The following MEIS1 variants were observed in gnomAD, a reference collection of about 807,000 sequenced individuals.
The protein encoded by MEIS1 is homeobox protein Meis1.
A neutral mutation model predicts 50.8 loss-of-function variants in MEIS1; 5 were observed. The observed-to-expected ratio is 0.10, with a 90% CI of 0.05 to 0.21. The LOEUF is 0.21. Ranked by LOEUF, MEIS1 falls within the 10% of genes least tolerant of loss-of-function variation. The pLI, the probability that MEIS1 is intolerant of heterozygous loss-of-function variation, is 1.00. For missense variants in MEIS1, 318 were observed against 517.3 expected, an observed-to-expected ratio of 0.61 and a Z score of 3.74; for synonymous variants, 176 against 179.3, an observed-to-expected ratio of 0.98 and a Z score of 0.15.
chr2:66,499,408 T>C (rs763009903), intron 7 of MEIS1, among the ~76,000 whole-genome samples: 16 of 152,078 alleles, frequency 1.1e-4, no homozygotes, highest in Non-Finnish European at 1.9e-4. Context: ...TCCCTCCAAC[T>C]TCTGCCTGAT....
intron 7 of MEIS1, among the ~76,000 whole-genome samples, chr2:66,498,958 T>C (rs569335500): frequency 6.6e-6 from 1 of 152,318 alleles, no homozygotes; most frequent in South Asian, 2.1e-4. Flanking sequence ...CTCTAGAAAG[T>C]TACTTTTATC....
intron 12 of MEIS1, 105 bp downstream of exon 12, chr2:66,569,250 T>TAGG: frequency 1.0e-6 from 1 of 965,242 alleles, no homozygotes; most frequent in Non-Finnish European, 1.5e-6. Context: ...GTTCATTCCT[T>TAGG]TCCATTAAAC....
chr2:66,447,266 A>C (rs1382960781), intron 6 of MEIS1, among the ~76,000 whole-genome samples: 1 of 152,232 alleles, frequency 6.6e-6, no homozygotes, highest in Non-Finnish European at 1.5e-5. Context: ...TTTGTTTTTA[A>C]ATGCTTCCAT....
chr2:66,512,354 C>A, intron 8 of MEIS1, 60 bp downstream of exon 8: 2 of 1,503,452 alleles, frequency 1.3e-6, no homozygotes, highest in Admixed American at 2.4e-5. Context: ...AGTTTTTATA[C>A]AAAAAAATGA....
chr2:66,450,243 A>G (rs1173591946), intron 6 of MEIS1, among the ~76,000 whole-genome samples: 5 of 152,178 alleles, frequency 3.3e-5, no homozygotes, highest in African/African-American at 9.7e-5. Flanking sequence ...CTTGTACTTC[A>G]TAATTCTATT....
chr2:66,474,090 CA>C (rs1265991260), intron 7 of MEIS1, among the ~76,000 whole-genome samples: 3 of 142,162 alleles, frequency 2.1e-5, no homozygotes, highest in African/African-American at 6.2e-5. Flanking sequence ...TGCAATCATC[CA>C]TTTTTTTTTT....
intron 3 of MEIS1, 153 bp from the exon 4 acceptor site, chr2:66,440,409 G>A: frequency 1.4e-6 from 1 of 692,580 alleles, no homozygotes; most frequent in African/African-American, 1.8e-5. Context: ...TTCTGCGCGG[G>A]ACGAACTCGG....
chr2:66,437,889 T>C lies in MEIS1; in HGVS notation c.165T>C (p.His55=). Residue 55 remains histidine, a synonymous_variant, in exon 2 of 13, where the codon CAT becomes CAC. Coordinates refer to ENST00000272369, the MANE Select transcript of MEIS1 (RefSeq NM_002398.3). ...CGCATCAGTACCCGCACACAGCTCA[T>C]ACCAACGCCATGGCCCCCAGCATGG... is the stretch of plus-strand genomic sequence containing the variant. The part of the protein sequence containing the change: ...LHSHQYPHTA[H]TNAMAPSMGS... 2 of 1,611,136 alleles carry C rather than the reference T, an allele frequency of 1.2e-6. No individual in the cohort carries two copies. The highest frequency in any genetic ancestry group is 1.3e-5 in the African/African-American group (1 of 75,000).
chr2:66,485,087 A>G (rs571307654), intron 7 of MEIS1, among the ~76,000 whole-genome samples: 10 of 152,134 alleles, frequency 6.6e-5, no homozygotes, highest in Admixed American at 5.9e-4. Context: ...TGGCTTATAT[A>G]TATATACACA....
intron 8 of MEIS1, among the ~76,000 whole-genome samples, chr2:66,538,382 G>A (rs1220101360): frequency 2.0e-5 from 3 of 152,132 alleles, no homozygotes; most frequent in Non-Finnish European, 4.4e-5. Context: ...CTCTGAGAAC[G>A]CTGCCCAACA....
At chr2:66,568,594 C>T (rs902874903) in intron 10 of MEIS1, 73 bp from the exon 11 acceptor site, 2 of 1,129,418 alleles carry the variant, frequency 1.8e-6, no homozygotes, top group Non-Finnish European at 2.7e-6. Flanking sequence ...ATGTTCTCCT[C>T]TTAGTCTCTC....
intron 7 of MEIS1, among the ~76,000 whole-genome samples, chr2:66,478,279 A>G (rs1335478121): frequency 6.6e-6 from 1 of 152,156 alleles, no homozygotes. Context: ...GAGAAGTGGA[A>G]GCATTGCTTT....
At chr2:66,564,437 C>T (rs541826877) in intron 9 of MEIS1, among the ~76,000 whole-genome samples, 2 of 152,270 alleles carry the variant, frequency 1.3e-5, no homozygotes, top group African/African-American at 4.8e-5. Context: ...TTGGTGTTGT[C>T]CACTGCAAGG....
At position 66,532,967 on chromosome 2, in the gene MEIS1, A is replaced by G. The variant is rs566154118; in HGVS notation, c.889-14976A>G. 1.4e-4 allele frequency among the ~76,000 whole-genome samples: 22 copies of G among 152,322 alleles called. 1 individual carries two copies. The South Asian group carries it at 4.6e-3, about 32-fold the overall frequency. ...TTTTTTATCCAAAATCCTGCCATCA[A>G]ATCAATTAATTATAACCATTGATGA... On this transcript the variant is annotated intron_variant, in intron 8 of 12. Transcript: ENST00000272369.
chr2:66,521,539 T>C (rs1674122035), intron 8 of MEIS1, among the ~76,000 whole-genome samples: 1 of 152,198 alleles, frequency 6.6e-6, no homozygotes, highest in Non-Finnish European at 1.5e-5. Flanking sequence ...CACTCTGGGG[T>C]ATGACACCGA....
At chr2:66,520,602 T>A (rs1490656019) in intron 8 of MEIS1, among the ~76,000 whole-genome samples, 3 of 152,228 alleles carry the variant, frequency 2.0e-5, no homozygotes, top group Admixed American at 6.5e-5. Context: ...ATTATATTTT[T>A]AAAAATTCAG....
chr2:66,478,219 AACATTAATTGCTCCACT>A (rs1457812676), intron 7 of MEIS1, among the ~76,000 whole-genome samples: 2 of 152,060 alleles, frequency 1.3e-5, no homozygotes, highest in Non-Finnish European at 2.9e-5. Flanking sequence ...AGCTTTGGAA[AACATTAATTGCTCCACT>A]AAATAATGGA....
chr2:66,457,096 G>A (rs1672409092), intron 6 of MEIS1, among the ~76,000 whole-genome samples: 2 of 150,612 alleles, frequency 1.3e-5, no homozygotes, highest in South Asian at 4.2e-4. Context: ...AAAAAAAAAG[G>A]CAAAACAAAA....
In MEIS1 at chr2:66,435,855, C is replaced by T. The variant is rs1431553424; in HGVS notation, c.-2C>T. 3 of 1,570,226 alleles carry T rather than the reference C, an allele frequency of 1.9e-6. No individual in the cohort carries two copies. ...GAAGTAGGAAGGGAGCCAGAGAGGC[C>T]GATGGCGCAAAGGGTACGTATTAAA... On this transcript the variant is annotated 5_prime_UTR_variant, in exon 1 of 13. Transcript: ENST00000272369.
Sources: allele counts gnomAD v4.1 joint callset (sites outside exome capture counted in the v4.1 genomes callset), GRCh38; gene constraint gnomAD v4.1.1; transcripts MANE v1.5; gene names NCBI Gene and HGNC (gene_info 2026-07-23, HGNC 2026-07-21).